PPHLN1: variants seen among roughly 807,000 people sequenced by gnomAD.
PPHLN1 encodes the protein periphilin 1.
A neutral mutation model predicts 51.3 loss-of-function variants in PPHLN1; 29 were observed. The observed-to-expected ratio is 0.57, with a 90% CI of 0.42 to 0.77. PPHLN1 has a LOEUF of 0.77. Among genes scored for constraint, PPHLN1 ranks in the 30% least tolerant of loss-of-function variants. The pLI is 0.00. For missense variants in PPHLN1, 436 were observed against 438.4 expected (o/e 0.99, Z 0.05); for synonymous variants, 147 against 147.8 (o/e 0.99, Z 0.04).
intron 6 of PPHLN1, among the ~76,000 whole-genome samples, chr12:42,385,630 G>A (rs2077131526): frequency 6.6e-6 from 1 of 152,256 alleles, no homozygotes; most frequent in Admixed American, 6.5e-5. Context: ...CTGTAATTAT[G>A]CCTTTAATAA....
intron 9 of PPHLN1, among the ~76,000 whole-genome samples, chr12:42,412,034 G>A (rs1160594424): frequency 6.6e-6 from 1 of 151,534 alleles, no homozygotes; most frequent in Non-Finnish European, 1.5e-5. Context: ...GTGAAACCCC[G>A]TCTCTACTAA....
intron 5 of PPHLN1, among the ~76,000 whole-genome samples, chr12:42,384,677 C>G (rs1237619047): frequency 1.3e-5 from 2 of 152,156 alleles, no homozygotes; most frequent in African/African-American, 2.4e-5. Context: ...CCTTTCTGCC[C>G]TTGTTATCCT....
At chr12:42,378,862 C>T (rs1187437366) in intron 5 of PPHLN1, among the ~76,000 whole-genome samples, 3 of 152,210 alleles carry the variant, frequency 2.0e-5, no homozygotes, top group Admixed American at 6.5e-5. Flanking sequence ...CAAGAATATT[C>T]TTACTATAAC....
chr12:42,361,472 C>T (rs989641850), intron 4 of PPHLN1: 1 of 152,128 alleles, frequency 6.6e-6, no homozygotes, highest in Non-Finnish European at 1.5e-5. Flanking sequence ...ATTCTCCTCA[C>T]CTCTTTACTC....
At chr12:42,396,182 A>T (rs1206618870) in intron 8 of PPHLN1, among the ~76,000 whole-genome samples, 2 of 152,188 alleles carry the variant, frequency 1.3e-5, no homozygotes, top group Non-Finnish European at 2.9e-5. Flanking sequence ...TTAATTTATT[A>T]TTAATATGTT....
chr12:42,431,676 C>G (rs1407418813), intron 9 of PPHLN1: 1 of 1,091,164 alleles, frequency 9.2e-7, no homozygotes, highest in Admixed American at 1.8e-5. Flanking sequence ...TTATGAAACA[C>G]CATTCAGGAC....
At chr12:42,417,933 T>G (rs978483282) in intron 9 of PPHLN1, among the ~76,000 whole-genome samples, 11 of 54,652 alleles carry the variant, frequency 2.0e-4, no homozygotes, top group South Asian at 5.9e-4. Context: ...TTTTTTTTTG[T>G]TTTTTTTTTG....
intron 9 of PPHLN1, among the ~76,000 whole-genome samples, chr12:42,400,653 G>A (rs554023013): frequency 3.9e-5 from 6 of 152,004 alleles, no homozygotes; most frequent in Non-Finnish European, 7.4e-5. Context: ...GGAATTATAG[G>A]TGTGAGCCAC....
intron 2 of PPHLN1, among the ~76,000 whole-genome samples, chr12:42,336,591 C>CT (rs1477751803): frequency 6.6e-6 from 1 of 152,180 alleles, no homozygotes; most frequent in Non-Finnish European, 1.5e-5. Flanking sequence ...TGAGCCAAGC[C>CT]TTTTCTAAGC....
chr12:42,380,404 A>T (rs1187969652), intron 5 of PPHLN1, among the ~76,000 whole-genome samples: 1 of 152,098 alleles, frequency 6.6e-6, no homozygotes, highest in Non-Finnish European at 1.5e-5. Context: ...GATATTTTTT[A>T]AAAAATACTG....
At chr12:42,431,129 A>C (rs1486208887) in intron 9 of PPHLN1, among the ~76,000 whole-genome samples, 7 of 152,228 alleles carry the variant, frequency 4.6e-5, no homozygotes, top group Non-Finnish European at 7.3e-5. Flanking sequence ...CCTGCAGATG[A>C]GAGTTTAATA....
chr12:42,328,733 G>A (rs1328413424), intron 1 of PPHLN1, among the ~76,000 whole-genome samples: 3 of 152,020 alleles, frequency 2.0e-5, no homozygotes, highest in African/African-American at 7.2e-5. Context: ...TTTTTGAGAC[G>A]GTGTCTTGCT....
chr12:42,446,536 G>C, downstream of PPHLN1: 1 of 1,589,740 alleles, frequency 6.3e-7, no homozygotes, highest in Non-Finnish European at 8.6e-7. Flanking sequence ...TTCTTAGTTA[G>C]AAAAGAATAT....
At chr12:42,332,559 G>T in intron 1 of PPHLN1, 1 of 774,564 alleles carries the variant, frequency 1.3e-6, no homozygotes, top group Non-Finnish European at 2.1e-6. Context: ...AGTTTGGCCT[G>T]AGAGTTCTGT....
intron 2 of PPHLN1, among the ~76,000 whole-genome samples, chr12:42,350,747 G>C (rs981818624): frequency 2.0e-5 from 3 of 152,132 alleles, no homozygotes; most frequent in African/African-American, 7.2e-5. Context: ...CAGATCACTC[G>C]AGGTCAGGAG....
intron 4 of PPHLN1, among the ~76,000 whole-genome samples, chr12:42,369,372 A>G (rs1400695325): frequency 3.9e-5 from 6 of 152,202 alleles, no homozygotes; most frequent in Non-Finnish European, 7.3e-5. Context: ...TCTTAGAGAC[A>G]TGCAAGATTC....
chr12:42,420,417 G>A (rs922814725), intron 9 of PPHLN1, among the ~76,000 whole-genome samples: 1 of 149,812 alleles, frequency 6.7e-6, no homozygotes, highest in Non-Finnish European at 1.5e-5. Context: ...GGTGTTTATT[G>A]TTTTCTGGCA....
At chr12:42,374,820 T>C in intron 4 of PPHLN1, 43 bp from the exon 5 acceptor site, 1 of 1,451,656 alleles carries the variant, frequency 6.9e-7, no homozygotes, top group Non-Finnish European at 9.4e-7. Flanking sequence ...ATATAGAGGA[T>C]AGAGTATAAT....
intron 2 of PPHLN1, among the ~76,000 whole-genome samples, chr12:42,350,772 G>T (rs1056250030): frequency 6.6e-6 from 1 of 152,126 alleles, no homozygotes; most frequent in South Asian, 2.1e-4. Context: ...AGACCAGCCC[G>T]GCCAACACGG....
Sources: allele counts gnomAD v4.1 joint callset (sites outside exome capture counted in the v4.1 genomes callset), GRCh38; gene constraint gnomAD v4.1.1; transcripts MANE v1.5; gene names NCBI Gene and HGNC (gene_info 2026-07-23, HGNC 2026-07-21).